The following SLC25A21 variants were observed in gnomAD, a reference collection of about 807,000 sequenced individuals.
The protein encoded by SLC25A21 is mitochondrial 2-oxodicarboxylate carrier.
Under a neutral mutation model 43.8 loss-of-function variants are expected in SLC25A21, and 47 were observed. The ratio of observed to expected loss-of-function variants is 1.07; its 90% confidence interval spans 0.85 to 1.37. The LOEUF is 1.37. Ranked by LOEUF, SLC25A21 falls within the 40% of genes most tolerant of loss-of-function variation. The probability of loss-of-function intolerance (pLI) is 0.00; values close to 1 mark genes in which losing one functional copy is unlikely to be tolerated. For synonymous variants in SLC25A21, 131 were observed against 121.3 expected, an observed-to-expected ratio of 1.08 and a Z score of -0.52; for missense variants, 352 against 350.2, an observed-to-expected ratio of 1.00 and a Z score of -0.04.
intron 7 of SLC25A21, among the ~76,000 whole-genome samples, chr14:36,686,770 C>T (rs551016150): frequency 1.2e-4 from 18 of 152,066 alleles, no homozygotes; most frequent in Non-Finnish European, 2.5e-4. Context: ...TACACGTTGT[C>T]CTTCTGGGAA....
At chr14:36,750,252 G>A (rs895369638) in intron 3 of SLC25A21, among the ~76,000 whole-genome samples, 3 of 152,172 alleles carry the variant, frequency 2.0e-5, no homozygotes, top group African/African-American at 4.8e-5. Context: ...CATGGGGAAA[G>A]TTTTGGGCAT....
intron 2 of SLC25A21, among the ~76,000 whole-genome samples, chr14:36,846,028 T>C (rs1385503353): frequency 6.6e-6 from 1 of 152,214 alleles, no homozygotes; most frequent in Non-Finnish European, 1.5e-5. Context: ...AATATATTTC[T>C]AAAACATGGT....
rs141089043 is a variant in SLC25A21, at chr14:36,901,584, G to A, written c.71-26580C>T. On this transcript the variant is annotated intron_variant, in intron 1 of 9. Transcript: ENST00000331299. ...AATTAGAATATACACTTTTAGAATCGTGCTTGGTTTCAAGAAAACATAAAA... is the reference window on the plus strand; with the variant it reads ...AATTAGAATATACACTTTTAGAATCATGCTTGGTTTCAAGAAAACATAAAA... Among the ~76,000 whole-genome samples, 56 of 152,032 alleles carry A rather than the reference G, an allele frequency of 3.7e-4. No homozygotes were observed. The East Asian group carries it at 4.4e-3, about 12-fold the overall frequency.
At chr14:36,980,670 T>C (rs1230304373) in intron 1 of SLC25A21, among the ~76,000 whole-genome samples, 1 of 152,190 alleles carries the variant, frequency 6.6e-6, no homozygotes, top group Non-Finnish European at 1.5e-5. Flanking sequence ...ATCAAACTCA[T>C]TCTCTGTCCA....
chr14:36,951,128 C>T (rs1274991838), intron 1 of SLC25A21, among the ~76,000 whole-genome samples: 2 of 150,690 alleles, frequency 1.3e-5, no homozygotes, highest in Non-Finnish European at 2.9e-5. Flanking sequence ...GTTTCAGAGA[C>T]AATGTTTTGG....
chr14:36,981,914 A>G (rs1016575921), intron 1 of SLC25A21, among the ~76,000 whole-genome samples: 1 of 152,240 alleles, frequency 6.6e-6, no homozygotes. Context: ...CTAACAGGCG[A>G]GTTGATGTAT....
intron 1 of SLC25A21, among the ~76,000 whole-genome samples, chr14:36,878,236 T>G (rs1213747267): frequency 6.6e-6 from 1 of 152,166 alleles, no homozygotes; most frequent in Non-Finnish European, 1.5e-5. Flanking sequence ...CCTGCAAAAC[T>G]GTGACATGGC....
intron 1 of SLC25A21, among the ~76,000 whole-genome samples, chr14:37,036,364 TGCAA>T (rs1961325909): frequency 6.6e-6 from 1 of 152,158 alleles, no homozygotes; most frequent in Non-Finnish European, 1.5e-5. Flanking sequence ...TTCTGCTTGC[TGCAA>T]GCAGTTTTAA....
At chr14:37,031,299 C>T (rs1331425388) in intron 1 of SLC25A21, among the ~76,000 whole-genome samples, 1 of 152,174 alleles carries the variant, frequency 6.6e-6, no homozygotes. Flanking sequence ...CCATTCATTT[C>T]TCCTTTTCCT....
chr14:36,747,540 T>C (rs940767840), intron 3 of SLC25A21, among the ~76,000 whole-genome samples: 1 of 152,110 alleles, frequency 6.6e-6, no homozygotes, highest in East Asian at 1.9e-4. Flanking sequence ...TTCAGAGATG[T>C]CCTCCACAAA....
At position 36,874,943 on chromosome 14, in the gene SLC25A21, T is replaced by A; in HGVS notation, c.119+13A>T. On this transcript the variant is annotated intron_variant, in intron 2 of 9. Coordinates refer to ENST00000331299, the MANE Select transcript of SLC25A21 (RefSeq NM_030631.4). ...AGCCAAAGTCAATAAAACTTGTTCA[T>A]GCAGAACCTTACCTGGTTTTCACCA... 2.5e-6 allele frequency: 4 copies of A among 1,608,012 alleles called. No homozygotes were observed. The highest frequency in any genetic ancestry group is 3.4e-6 in the Non-Finnish European group (4 of 1,176,924).
chr14:36,934,792 A>C (rs1449486712), intron 1 of SLC25A21, among the ~76,000 whole-genome samples: 1 of 152,090 alleles, frequency 6.6e-6, no homozygotes, highest in Non-Finnish European at 1.5e-5. Context: ...GGTGTCTTTT[A>C]TTCTCAAAAC....
At chr14:37,166,193 T>C (rs958175047) in intron 1 of SLC25A21, among the ~76,000 whole-genome samples, 1 of 152,200 alleles carries the variant, frequency 6.6e-6, no homozygotes, top group East Asian at 1.9e-4. Context: ...GATCCCTTTT[T>C]CAGTCCACAA....
At chr14:36,789,093 T>C (rs970124476) in intron 3 of SLC25A21, among the ~76,000 whole-genome samples, 1 of 152,254 alleles carries the variant, frequency 6.6e-6, no homozygotes. Flanking sequence ...CATAACATTG[T>C]CCACTTAATT....
chr14:36,899,114 G>T (rs1325604996), intron 1 of SLC25A21, among the ~76,000 whole-genome samples: 3 of 152,060 alleles, frequency 2.0e-5, no homozygotes, highest in African/African-American at 7.2e-5. Context: ...TTAAGGTTGG[G>T]TATGGTGGCT....
chr14:37,053,188 G>C (rs1231888559), intron 1 of SLC25A21, among the ~76,000 whole-genome samples: 1 of 152,132 alleles, frequency 6.6e-6, no homozygotes, highest in African/African-American at 2.4e-5. Context: ...TGAAAATAGA[G>C]TAACATTTAA....
chr14:36,826,783 G>C (rs1888848514), intron 2 of SLC25A21, among the ~76,000 whole-genome samples: 1 of 152,184 alleles, frequency 6.6e-6, no homozygotes, highest in Admixed American at 6.6e-5. Flanking sequence ...GGCTGTCCTG[G>C]GGGGAGGAGG....
intron 1 of SLC25A21, among the ~76,000 whole-genome samples, chr14:37,032,014 C>T (rs889562342): frequency 2.6e-5 from 4 of 152,184 alleles, no homozygotes; most frequent in Non-Finnish European, 5.9e-5. Context: ...CACTTTTAAG[C>T]AATACCAAAC....
At chr14:37,115,083 G>C (rs1963083497) in intron 1 of SLC25A21, among the ~76,000 whole-genome samples, 1 of 152,048 alleles carries the variant, frequency 6.6e-6, no homozygotes, top group Non-Finnish European at 1.5e-5. Context: ...TCAAGTCTTT[G>C]GCTAATATAT....
Sources: allele counts gnomAD v4.1 joint callset (sites outside exome capture counted in the v4.1 genomes callset), GRCh38; gene constraint gnomAD v4.1.1; transcripts MANE v1.5; gene names NCBI Gene and HGNC (gene_info 2026-07-23, HGNC 2026-07-21).